AFAP1L1: variants seen among roughly 807,000 people sequenced by gnomAD.
The protein encoded by AFAP1L1 is actin filament-associated protein 1-like 1.
Under a neutral mutation model 99.8 loss-of-function variants are expected in AFAP1L1, and 77 were observed. That is an observed-to-expected ratio of 0.77 (90% CI 0.64 to 0.93). AFAP1L1 has a LOEUF of 0.93. Ranked by LOEUF, AFAP1L1 falls within the 40% of genes least tolerant of loss-of-function variation. The pLI, the probability that AFAP1L1 is intolerant of heterozygous loss-of-function variation, is 0.00. For synonymous variants in AFAP1L1, 373 were observed against 395.3 expected, an observed-to-expected ratio of 0.94 and a Z score of 0.67; for missense variants, 893 against 996.8, an observed-to-expected ratio of 0.90 and a Z score of 1.40.
Position 149,299,588 on chromosome 5 carries a change from A to G in AFAP1L1, c.96A>G (p.Glu32=), listed in dbSNP as rs1756124111. 2 of 1,614,032 alleles carry G rather than the reference A, an allele frequency of 1.2e-6. No individual in the cohort carries two copies. Among genetic ancestry groups the G allele is most frequent in the African/African-American group, 1.3e-5 (1 of 74,916 alleles). ...AGTACCTCAGCGATACCACCCTGGA[A>G]AAGAAGATGGCCGTGGCCTCCATCC... ...DHEYLSDTTL[E]KKMAVASILQ... Residue 32 remains glutamate (E), a synonymous_variant, in exon 2 of 19, where the codon GAA becomes GAG. Transcript: ENST00000296721.
chr5:149,302,458 C>G lies in AFAP1L1; in HGVS notation c.368C>G (p.Pro123Arg), dbSNP rs754737428. Residue 123 changes from proline to arginine, a missense_variant, in exon 5 of 19, where the codon CCT becomes CGT. Coordinates refer to ENST00000296721, the MANE Select transcript of AFAP1L1 (RefSeq NM_152406.4). ...CCACCGCTCCCCAACAAGCCTCCCC[C>G]TGAGGACTACTATGAAGAGGCCCTT... ...LPPPLPNKPP[P>R]EDYYEEALPL... 1.4e-5 allele frequency: 22 copies of G among 1,596,734 alleles called. No individual in the cohort carries two copies. The East Asian group carries it at 3.2e-4, about 23-fold the overall frequency.
intron 1 of AFAP1L1, among the ~76,000 whole-genome samples, chr5:149,289,289 A>G (rs1355321201): frequency 6.6e-6 from 1 of 152,102 alleles, no homozygotes; most frequent in Non-Finnish European, 1.5e-5. Flanking sequence ...TCAAATTTGT[A>G]CTATTCTCTT....
At position 149,310,144 on chromosome 5, in the gene AFAP1L1, C is replaced by A; in HGVS notation, c.927+9C>A. The stretch of plus-strand genomic sequence containing the variant: ...CCGAGGAGTGGCTGAAGGTGCGTGG[C>A]CTGCACCTGACCTTCCCGCCTTCTC... On this transcript the variant is annotated intron_variant, in intron 8 of 18. Coordinates refer to ENST00000296721, the MANE Select transcript of AFAP1L1 (RefSeq NM_152406.4). 2 of 1,580,754 alleles carry A rather than the reference C, an allele frequency of 1.3e-6. No individual in the cohort carries two copies. The highest frequency in any genetic ancestry group is 1.7e-6 in the Non-Finnish European group (2 of 1,162,184).
Position 149,335,614 on chromosome 5 carries a change from G to A in AFAP1L1, c.2175G>A (p.Gln725=), listed in dbSNP as rs1174526658. 1 of 1,612,480 alleles carries A rather than the reference G, an allele frequency of 6.2e-7. No individual in the cohort carries two copies. The highest frequency in any genetic ancestry group is 8.5e-7 in the Non-Finnish European group (1 of 1,179,998). Residue 725 remains glutamine, a synonymous_variant, in exon 18 of 19, where the codon CAG becomes CAA. Coordinates refer to ENST00000296721, the MANE Select transcript of AFAP1L1 (RefSeq NM_152406.4). ...PKSGETANKP[Q]NSVPEQPLPV... is the part of the protein sequence containing the mutation. ...AACAGGAAACTGCAAATAAACCCCA[G>A]AACAGCGTTCCAGAGCAACCTCTCC...
rs912158119 is a variant in AFAP1L1, at chr5:149,320,232, C to T, written c.1626-159C>T. Reference sequence around the variant, plus strand: ...TGGTCCTGTCTGTGACGCCCTAACACAGCCCATGACACAATGCTGCCTGCC... The same window carrying T: ...TGGTCCTGTCTGTGACGCCCTAACATAGCCCATGACACAATGCTGCCTGCC... On this transcript the variant is annotated intron_variant, in intron 13 of 18. Transcript: ENST00000296721. This position sits in a 1 kb window ranked among gnomAD's most constrained non-coding sequence, Gnocchi z 4.0. Among the ~76,000 whole-genome samples, 1 of 152,270 alleles carries T rather than the reference C, an allele frequency of 6.6e-6. No homozygotes were observed. The highest frequency in any genetic ancestry group is 2.4e-5 in the African/African-American group (1 of 41,480).
chr5:149,337,336 G>A (rs1757432896), intron 18 of AFAP1L1, among the ~76,000 whole-genome samples: 1 of 152,086 alleles, frequency 6.6e-6, no homozygotes. Context: ...TGATAACTAG[G>A]TGAGGTGAGA....
chr5:149,322,636 C>CA lies in AFAP1L1; in HGVS notation c.1730dup (p.Val578GlyfsTer10). The CA allele has an allele frequency of 6.3e-7, 1 of 1,589,022 alleles. No homozygotes were observed. The highest frequency in any genetic ancestry group is 8.6e-7 in the Non-Finnish European group (1 of 1,166,824). On this transcript the variant is annotated frameshift_variant, in exon 15 of 19. Transcript: ENST00000296721. LOFTEE classifies it high-confidence loss of function. The stretch of plus-strand genomic sequence containing the variant: ...GGAGCCCGAGCGCCCCACAGGGGCC[C>CA]AGGTGAAGCGTCACGCCTCCTCCTG...
At chr5:149,332,909 TC>T (rs1033021673) in intron 17 of AFAP1L1, 36 bp downstream of exon 17, 30 of 1,517,536 alleles carry the variant, frequency 2.0e-5, no homozygotes, top group Non-Finnish European at 2.6e-5. Context: ...GGGCAGCTAC[TC>T]CTATGTCCCT....
chr5:149,324,615 G>C (rs930771658), intron 15 of AFAP1L1, among the ~76,000 whole-genome samples: 1 of 152,210 alleles, frequency 6.6e-6, no homozygotes, highest in Admixed American at 6.5e-5. Context: ...GTTTCTGTGG[G>C]TCAAGAATCT....
intron 12 of AFAP1L1, among the ~76,000 whole-genome samples, chr5:149,318,264 G>A (rs1343323505): frequency 6.6e-6 from 1 of 152,172 alleles, no homozygotes; most frequent in East Asian, 1.9e-4. Context: ...AAAACATTCT[G>A]TATTTTTATT....
intron 15 of AFAP1L1, among the ~76,000 whole-genome samples, chr5:149,323,462 G>A (rs1336187539): frequency 6.6e-6 from 1 of 152,216 alleles, no homozygotes; most frequent in Non-Finnish European, 1.5e-5. Context: ...TTATGAACAA[G>A]CCAGCTTCCT....
intron 13 of AFAP1L1, 142 bp downstream of exon 13, chr5:149,319,869 G>A: frequency 8.0e-7 from 1 of 1,252,216 alleles, no homozygotes. Context: ...TGGAATGAGT[G>A]TCTTCCTCTT....
chr5:149,275,742 G>A (rs1369225396), intron 1 of AFAP1L1, among the ~76,000 whole-genome samples: 3 of 152,052 alleles, frequency 2.0e-5, no homozygotes, highest in East Asian at 1.9e-4. Flanking sequence ...TCCTGACCTC[G>A]TGATCCACCC....
chr5:149,331,577 G>A (rs1319043484), intron 16 of AFAP1L1, among the ~76,000 whole-genome samples: 8 of 151,156 alleles, frequency 5.3e-5, no homozygotes, highest in Non-Finnish European at 1.0e-4. Flanking sequence ...CCAAGATCAC[G>A]CCACTGCACT....
chr5:149,296,869 G>C (rs1428856006), intron 1 of AFAP1L1, among the ~76,000 whole-genome samples: 1 of 152,176 alleles, frequency 6.6e-6, no homozygotes, highest in African/African-American at 2.4e-5. Flanking sequence ...AATCATGTCA[G>C]AAGGGGAAGC....
Position 149,302,430 on chromosome 5 carries a change from C to A in AFAP1L1, c.340C>A (p.Pro114Thr). ...SPRLRNAADLPPPLPNKPPPE... is the reference protein window; with the variant it reads ...SPRLRNAADLTPPLPNKPPPE... ...TGTCCCCTTGCAGGCGGCCGACCTG[C>A]CTCCACCGCTCCCCAACAAGCCTCC... Residue 114 changes from proline to threonine, a missense_variant, in exon 5 of 19, where the codon CCT becomes ACT. Transcript: ENST00000296721. 4.4e-6 allele frequency: 7 copies of A among 1,587,482 alleles called. No individual in the cohort carries two copies. The highest frequency in any genetic ancestry group is 6.0e-6 in the Non-Finnish European group (7 of 1,166,916).
At chr5:149,286,782 T>G (rs1755696146) in intron 1 of AFAP1L1, among the ~76,000 whole-genome samples, 1 of 152,156 alleles carries the variant, frequency 6.6e-6, no homozygotes, top group Non-Finnish European at 1.5e-5. Flanking sequence ...GCAGTTATGA[T>G]CACCCCACTT....
intron 15 of AFAP1L1, among the ~76,000 whole-genome samples, chr5:149,327,288 T>C (rs1757123800): frequency 7.3e-6 from 1 of 136,328 alleles, no homozygotes; most frequent in Non-Finnish European, 1.6e-5. Context: ...TCTATCAATA[T>C]ATTATTGATA....
chr5:149,343,541 T>C lies in AFAP1L1; in HGVS notation c.*3511T>C, dbSNP rs1263655619. 6.6e-6 allele frequency among the ~76,000 whole-genome samples: 1 copy of C among 150,632 alleles called. No individual in the cohort carries two copies. Among genetic ancestry groups the C allele is most frequent in the Non-Finnish European group, 1.5e-5 (1 of 67,674 alleles). On this transcript the variant is annotated 3_prime_UTR_variant, in exon 19 of 19. Transcript: ENST00000296721. ...TACTATACTAGATGTCAGAAATCAGTGGTGAACAAGACAGACACCTCATGA... is the reference window on the plus strand; with the variant it reads ...TACTATACTAGATGTCAGAAATCAGCGGTGAACAAGACAGACACCTCATGA...
Sources: gnomAD v4.1 joint callset for allele counts (sites outside exome capture counted in the v4.1 genomes callset) on GRCh38, gnomAD v4.1.1 for gene constraint, Gnocchi (gnomAD v3.1) non-coding constraint, MANE v1.5 for transcripts, NCBI Gene and HGNC (gene_info 2026-07-23, HGNC 2026-07-21) for gene names.